Variants in MMACHC observed in about 807,000 individuals in gnomAD.
MMACHC encodes cyanocobalamin reductase / alkylcobalamin dealkylase.
A neutral mutation model predicts 17.6 loss-of-function variants in MMACHC; 14 were observed. That is an observed-to-expected ratio of 0.80 (90% CI 0.53 to 1.25). The LOEUF is 1.25. MMACHC is among the 50% of genes most tolerant of loss of function. MMACHC has a pLI of 0.00. For synonymous variants in MMACHC, 151 were observed against 142.1 expected (o/e 1.06, Z -0.45); for missense variants, 392 against 364.5 (o/e 1.08, Z -0.62).
chr1:45,511,516 G>A lies in MMACHC; in HGVS notation c.*2301G>A. On this transcript the variant is annotated 3_prime_UTR_variant, in exon 4 of 4. Coordinates refer to ENST00000401061, the MANE Select transcript of MMACHC (RefSeq NM_015506.3). ...TCTGCACCTGAACACTCAGATACCA[G>A]GAAACCTACCCCTGCAATCAGTCTT... 1.2e-6 allele frequency: 1 copy of A among 867,012 alleles called. No homozygotes were observed. Among genetic ancestry groups the A allele is most frequent in the South Asian group, 1.8e-5 (1 of 56,776 alleles). The allele number at this position is 867,012 out of a possible 1,614,324, so 53.7% of individuals were successfully genotyped here.
In MMACHC at chr1:45,508,207, T is replaced by C. The variant is rs936604922; in HGVS notation, c.277-5T>C. 2 of 1,614,110 alleles carry C rather than the reference T, an allele frequency of 1.2e-6. No individual in the cohort carries two copies. Among genetic ancestry groups the C allele is most frequent in the African/African-American group, 2.7e-5 (2 of 75,022 alleles). On this transcript the variant is annotated splice_region_variant and splice_polypyrimidine_tract_variant and intron_variant, in intron 2 of 3. Transcript: ENST00000401061. Reference sequence around the variant, plus strand: ...CAGTACCCTCTATTTTGTCCACTGTTCCAGAGCCTCCCAGAGCTGCAGATA... The same window carrying C: ...CAGTACCCTCTATTTTGTCCACTGTCCCAGAGCCTCCCAGAGCTGCAGATA...
Position 45,508,766 on chromosome 1 carries a change from T to C in MMACHC, c.430-30T>C, listed in dbSNP as rs778884830. On this transcript the variant is annotated intron_variant, in intron 3 of 3. Coordinates refer to ENST00000401061, the MANE Select transcript of MMACHC (RefSeq NM_015506.3). ...TGACTTGGTGCCAAGGGGACCTCCA[T>C]GACCTTGCTTTTCTTCACCCTCTCC... 5 of 1,606,626 alleles carry C rather than the reference T, an allele frequency of 3.1e-6. No homozygotes were observed. The African/African-American group carries it at 5.3e-5, about 17-fold the overall frequency.
In MMACHC at chr1:45,508,131, C is replaced by T; in HGVS notation, c.277-81C>T. 3.9e-6 allele frequency: 6 copies of T among 1,553,648 alleles called. No individual in the cohort carries two copies. The South Asian group carries it at 6.7e-5, about 17-fold the overall frequency. On this transcript the variant is annotated intron_variant, in intron 2 of 3. Coordinates refer to ENST00000401061, the MANE Select transcript of MMACHC (RefSeq NM_015506.3). ...GAGGACAGGACCATGTTCACACACA[C>T]AAAACAAACTAGGGCTCCCTCGGAC... is the stretch of plus-strand genomic sequence containing the variant.
Position 45,508,201 on chromosome 1 carries a change from C to T in MMACHC, c.277-11C>T. 6.2e-7 allele frequency: 1 copy of T among 1,614,014 alleles called. No homozygotes were observed. The highest frequency in any genetic ancestry group is 1.1e-5 in the South Asian group (1 of 91,072). ...TGCTGACAGTACCCTCTATTTTGTC[C>T]ACTGTTCCAGAGCCTCCCAGAGCTG... On this transcript the variant is annotated splice_polypyrimidine_tract_variant and intron_variant, in intron 2 of 3. Coordinates refer to ENST00000401061, the MANE Select transcript of MMACHC (RefSeq NM_015506.3).
rs199867236 is a variant in MMACHC at position 45,500,341 on chromosome 1, G to A, written c.9G>A (p.Pro3=). 1.9e-6 allele frequency: 3 copies of A among 1,613,992 alleles called. No individual in the cohort carries two copies. The highest frequency in any genetic ancestry group is 8.5e-7 in the Non-Finnish European group (1 of 1,180,044). Residue 3 remains proline, a synonymous_variant, in exon 1 of 4, where the codon CCG becomes CCA. Coordinates refer to ENST00000401061, the MANE Select transcript of MMACHC (RefSeq NM_015506.3). ...AGCGTGTAACGTGCGCTATGGAGCC[G>A]AAAGTCGCAGAGCTGAAGCAGAAGA... ME[P]KVAELKQKIE...
chr1:45,509,477 AGT>A lies in MMACHC; in HGVS notation c.*263_*264del, dbSNP rs1286141039. The stretch of plus-strand genomic sequence containing the variant: ...CACCTAGGCTGGAGTGCAGTGGCAC[AGT>A]CTCTACTCACTGCAACCTCTGCCTC... On this transcript the variant is annotated 3_prime_UTR_variant, in exon 4 of 4. Coordinates refer to ENST00000401061, the MANE Select transcript of MMACHC (RefSeq NM_015506.3). 6 of 416,140 alleles carry A rather than the reference AGT, an allele frequency of 1.4e-5. No homozygotes were observed. Among genetic ancestry groups the A allele is most frequent in the Non-Finnish European group, 2.5e-5 (6 of 239,430 alleles). 25.8% of individuals were successfully genotyped at this position (416,140 alleles called of 1,614,324 possible). A position where few individuals can be genotyped will look rare whatever the true frequency, so the allele number is the denominator to read the frequency against.
intron 1 of MMACHC, among the ~76,000 whole-genome samples, chr1:45,502,083 CA>C (rs1375664801): frequency 1.3e-5 from 2 of 152,132 alleles, no homozygotes; most frequent in African/African-American, 4.8e-5. Context: ...TCACTGTCAC[CA>C]AATTAAATCC....
chr1:45,503,665 A>G (rs941059243), intron 1 of MMACHC, among the ~76,000 whole-genome samples: 7 of 152,128 alleles, frequency 4.6e-5, no homozygotes, highest in African/African-American at 1.7e-4. Flanking sequence ...CAGTCACATT[A>G]TTAGTTGAGC....
chr1:45,505,118 TAAA>T (rs71052893), intron 1 of MMACHC, among the ~76,000 whole-genome samples: 1 of 119,386 alleles, frequency 8.4e-6, no homozygotes, highest in Non-Finnish European at 1.7e-5. Flanking sequence ...TGTATACATT[TAAA>T]AAAAAAAAAA....
rs1643792499 is a variant in MMACHC at position 45,513,363 on chromosome 1, T to TA, written c.*4153dup. 1 of 152,202 alleles carries TA rather than the reference T, an allele frequency of 6.6e-6. No individual in the cohort carries two copies. Among genetic ancestry groups the TA allele is most frequent in the South Asian group, 2.1e-4 (1 of 4,830 alleles). 9.4% of individuals were successfully genotyped at this position (152,202 alleles called of 1,614,324 possible). A position where few individuals can be genotyped will look rare whatever the true frequency, so the allele number is the denominator to read the frequency against. On this transcript the variant is annotated 3_prime_UTR_variant, in exon 4 of 4. Transcript: ENST00000401061. ...AAGAGAGGAGTATGTATACTTTGAATAAAAAGCCTTTATATTCTCCTTCCC... is the reference window on the plus strand; with the variant it reads ...AAGAGAGGAGTATGTATACTTTGAATAAAAAAGCCTTTATATTCTCCTTCCC...
intron 1 of MMACHC, among the ~76,000 whole-genome samples, chr1:45,501,996 A>C (rs1570821588): frequency 6.6e-6 from 1 of 152,282 alleles, no homozygotes; most frequent in African/African-American, 2.4e-5. Context: ...TTTTACCTCC[A>C]GTCCCTCCTC....
chr1:45,500,417 A>C lies in MMACHC; in HGVS notation c.81+4A>C. The C allele has an allele frequency of 6.2e-7, 1 of 1,614,104 alleles. No homozygotes were observed. Among genetic ancestry groups the C allele is most frequent in the Non-Finnish European group, 8.5e-7 (1 of 1,179,974 alleles). ...CTTCGAGGTTTACCCCTTCCAGGTT[A>C]GTTTATCCCTCCTGCTGTTCTAGGG... is the stretch of plus-strand genomic sequence containing the variant. On this transcript the variant is annotated splice_donor_region_variant and intron_variant, in intron 1 of 3. Transcript: ENST00000401061.
chr1:45,503,431 CTTTTT>C (rs10607418), intron 1 of MMACHC, among the ~76,000 whole-genome samples: 5 of 77,028 alleles, frequency 6.5e-5, no homozygotes, highest in Admixed American at 3.5e-4. Flanking sequence ...TAACTCTCTG[CTTTTT>C]TTTTTTTTTT....
At position 45,509,494 on chromosome 1, in the gene MMACHC, A is replaced by G. The variant is rs9729395; in HGVS notation, c.*279A>G. ...AGTGGCACAGTCTCTACTCACTGCA[A>G]CCTCTGCCTCCTGGGTTCAAGCAAT... On this transcript the variant is annotated 3_prime_UTR_variant, in exon 4 of 4. Coordinates refer to ENST00000401061, the MANE Select transcript of MMACHC (RefSeq NM_015506.3). 0.21 allele frequency: 68,468 copies of G among 328,944 alleles called. 8,011 individuals are homozygous for G. Among genetic ancestry groups the G allele is most frequent in the Admixed American group, 0.29 (6,016 of 20,848 alleles). The allele number at this position is 328,944 out of a possible 1,614,324, so 20.4% of individuals were successfully genotyped here. A position where few individuals can be genotyped will look rare whatever the true frequency, so the allele number is the denominator to read the frequency against.
chr1:45,501,423 G>A (rs1049512238), intron 1 of MMACHC, among the ~76,000 whole-genome samples: 1 of 152,150 alleles, frequency 6.6e-6, no homozygotes, highest in Non-Finnish European at 1.5e-5. Context: ...TCCTGGGAGA[G>A]GATATAGAGG....
intron 2 of MMACHC, among the ~76,000 whole-genome samples, chr1:45,507,865 A>G (rs1169112588): frequency 1.3e-5 from 2 of 152,188 alleles, no homozygotes; most frequent in African/African-American, 4.8e-5. Context: ...TTCCCCAGGC[A>G]TTGCTTTGTC....
At chr1:45,506,173 T>C (rs1005531368) in intron 1 of MMACHC, among the ~76,000 whole-genome samples, 2 of 152,178 alleles carry the variant, frequency 1.3e-5, no homozygotes, top group African/African-American at 2.4e-5. Context: ...CATTTGAGGA[T>C]GAGTTGGACT....
intron 1 of MMACHC, among the ~76,000 whole-genome samples, chr1:45,503,926 T>C (rs2149322185): frequency 6.6e-6 from 1 of 152,366 alleles, no homozygotes; most frequent in African/African-American, 2.4e-5. Context: ...GTTATGGGTC[T>C]TCGGTTTGGG....
At chr1:45,500,515 GC>G in intron 1 of MMACHC, 102 bp downstream of exon 1, 1 of 1,124,060 alleles carries the variant, frequency 8.9e-7, no homozygotes, top group Non-Finnish European at 1.3e-6. Context: ...GGTTCCTGCA[GC>G]CCAGTGTCCA....
Sources: gnomAD v4.1 joint callset for allele counts (sites outside exome capture counted in the v4.1 genomes callset) on GRCh38, gnomAD v4.1.1 for gene constraint, MANE v1.5 for transcripts, NCBI Gene and HGNC (gene_info 2026-07-23, HGNC 2026-07-21) for gene names.